The following SLC22A23 variants were observed in gnomAD, a reference collection of about 807,000 sequenced individuals.
SLC22A23 encodes solute carrier family 22 member 23.
In SLC22A23, 26 loss-of-function variants were observed where a neutral mutation model predicts 61.0. That is an observed-to-expected ratio of 0.43 (90% CI 0.31 to 0.59). The LOEUF is 0.59. Among genes scored for constraint, SLC22A23 ranks in the 20% least tolerant of loss-of-function variants. The pLI, the probability that SLC22A23 is intolerant of heterozygous loss-of-function variation, is 0.11. For synonymous variants in SLC22A23, 430 were observed against 413.9 expected, an observed-to-expected ratio of 1.04 and a Z score of -0.47; for missense variants, 796 against 934.7, an observed-to-expected ratio of 0.85 and a Z score of 1.94.
intron 3 of SLC22A23, among the ~76,000 whole-genome samples, chr6:3,379,237 G>A (rs569767930): frequency 2.2e-4 from 33 of 152,270 alleles, no homozygotes; most frequent in Admixed American, 2.0e-3. Context: ...CCACCAAGGG[G>A]ACTTCGGCTT....
In SLC22A23 at chr6:3,456,049, G is replaced by C; in HGVS notation, c.511C>G (p.Arg171Gly). 1 of 1,548,542 alleles carries C rather than the reference G, an allele frequency of 6.5e-7. No individual in the cohort carries two copies. Among genetic ancestry groups the C allele is most frequent in the Non-Finnish European group, 8.7e-7 (1 of 1,146,772 alleles). Residue 171 changes from arginine (R) to glycine (G), a missense_variant, in exon 1 of 10, where the codon CGG (arginine) becomes GGG (glycine). Arg to Gly is a moderately radical substitution (Grantham distance 125). Transcript: ENST00000406686. The surrounding 1 kb of genome is among the most constrained non-coding windows in gnomAD (Gnocchi z 7.1). ...ATAPWEAAGN[R>G]SNSSGADGGD... is the part of the protein sequence containing the mutation. The stretch of plus-strand genomic sequence containing the variant: ...CCGTCCGCGCCGCTGCTGTTGCTCC[G>C]GTTGCCCGCAGCCTCCCAGGGGGCA...
chr6:3,292,191 G>T (rs1396578328), intron 5 of SLC22A23, among the ~76,000 whole-genome samples: 1 of 152,218 alleles, frequency 6.6e-6, no homozygotes, highest in Non-Finnish European at 1.5e-5. Context: ...AGCTTCCGCA[G>T]CATTATATCT....
At chr6:3,439,434 G>A in intron 1 of SLC22A23, 1 of 374,028 alleles carries the variant, frequency 2.7e-6, no homozygotes, top group Non-Finnish European at 5.2e-6. Flanking sequence ...CGTTCCACGT[G>A]AAGAAAAGGC....
rs929995307 is a variant in SLC22A23, at chr6:3,386,351, G to A, written c.913+23837C>T. ...GCAGACAAGCCTCAGGCTGGAGAGCGAAGGAGAAGGGAGAGCACGCTTGCT... is the reference window on the plus strand; with the variant it reads ...GCAGACAAGCCTCAGGCTGGAGAGCAAAGGAGAAGGGAGAGCACGCTTGCT... On this transcript the variant is annotated intron_variant, in intron 3 of 9. Coordinates refer to ENST00000406686, the MANE Select transcript of SLC22A23 (RefSeq NM_015482.2). The surrounding 1 kb of genome is among the most constrained non-coding windows in gnomAD (Gnocchi z 4.4). Among the ~76,000 whole-genome samples, 2 of 152,182 alleles carry A rather than the reference G, an allele frequency of 1.3e-5. No homozygotes were observed. Among genetic ancestry groups the A allele is most frequent in the Non-Finnish European group, 2.9e-5 (2 of 68,040 alleles).
chr6:3,383,205 G>A (rs553290940), intron 3 of SLC22A23, among the ~76,000 whole-genome samples: 11 of 152,310 alleles, frequency 7.2e-5, no homozygotes, highest in Non-Finnish European at 1.2e-4. Context: ...GAAAGATAAC[G>A]TATGGAGGAA....
intron 3 of SLC22A23, among the ~76,000 whole-genome samples, chr6:3,370,568 A>G (rs1048168312): frequency 2.4e-4 from 37 of 152,402 alleles, no homozygotes; most frequent in African/African-American, 8.9e-4. Context: ...CCCCTTCAGC[A>G]TGCAGTGGTG....
At position 3,386,307 on chromosome 6, in the gene SLC22A23, C is replaced by T. The variant is rs1340726079; in HGVS notation, c.913+23881G>A. Among the ~76,000 whole-genome samples the T allele has an allele frequency of 1.3e-5, 2 of 152,248 alleles. No individual in the cohort carries two copies. The highest frequency in any genetic ancestry group is 1.9e-4 in the East Asian group (1 of 5,178). On this transcript the variant is annotated intron_variant, in intron 3 of 9. Transcript: ENST00000406686. The surrounding 1 kb of genome is among the most constrained non-coding windows in gnomAD (Gnocchi z 4.4). ...AGGCAGAAAAGGCTGCTCAGGGTGG[C>T]GGTGGCCCAAGCTGGAGGGCAGACA...
In SLC22A23 at chr6:3,328,338, C is replaced by T. The variant is rs1342942217; in HGVS notation, c.914-4336G>A. On this transcript the variant is annotated intron_variant, in intron 3 of 9. Transcript: ENST00000406686. This position sits in a 1 kb window ranked among gnomAD's most constrained non-coding sequence, Gnocchi z 5.0. ...AAGTGGCATTGTTAGGAGGCCACAG[C>T]TCTGGGAGATACGCTTTTCGGAAGT... is the stretch of plus-strand genomic sequence containing the variant. Among the ~76,000 whole-genome samples the T allele has an allele frequency of 6.6e-6, 1 of 152,094 alleles. No individual in the cohort carries two copies. Among genetic ancestry groups the T allele is most frequent in the African/African-American group, 2.4e-5 (1 of 41,392 alleles).
intron 2 of SLC22A23, among the ~76,000 whole-genome samples, chr6:3,412,389 T>A (rs1224469869): frequency 6.6e-6 from 1 of 152,118 alleles, no homozygotes; most frequent in Non-Finnish European, 1.5e-5. Context: ...GAGCCTGGAG[T>A]TCCCTTTGGT....
At position 3,309,617 on chromosome 6, in the gene SLC22A23, G is replaced by A. The variant is rs945345182; in HGVS notation, c.1083-11399C>T. Among the ~76,000 whole-genome samples, 6 of 152,086 alleles carry A rather than the reference G, an allele frequency of 3.9e-5. No individual in the cohort carries two copies. Among genetic ancestry groups the A allele is most frequent in the Admixed American group, 1.3e-4 (2 of 15,272 alleles). On this transcript the variant is annotated intron_variant, in intron 4 of 9. Coordinates refer to ENST00000406686, the MANE Select transcript of SLC22A23 (RefSeq NM_015482.2). The surrounding 1 kb of genome is among the most constrained non-coding windows in gnomAD (Gnocchi z 4.7). ...ACCATAATAAGGACTGTGGGCTGAC[G>A]AGCAGGTGGCAGGAGGCAGCGGGCC...
intron 3 of SLC22A23, among the ~76,000 whole-genome samples, chr6:3,366,928 G>T (rs1042645816): frequency 2.0e-5 from 3 of 152,134 alleles, no homozygotes; most frequent in Non-Finnish European, 4.4e-5. Flanking sequence ...CAACTCCCCT[G>T]GCAGAAATCA....
chr6:3,284,627 G>A (rs944770178), intron 8 of SLC22A23, among the ~76,000 whole-genome samples: 9 of 152,230 alleles, frequency 5.9e-5, no homozygotes, highest in East Asian at 5.8e-4. Context: ...CAGCAGCTTC[G>A]AGGTGCAGGG....
intron 4 of SLC22A23, among the ~76,000 whole-genome samples, chr6:3,319,338 G>A (rs191615537): frequency 3.9e-5 from 6 of 152,188 alleles, no homozygotes; most frequent in East Asian, 1.9e-4. Context: ...ACACTTTTCC[G>A]CCCAGAAGTT....
intron 3 of SLC22A23, among the ~76,000 whole-genome samples, chr6:3,368,311 T>C (rs558698480): frequency 3.9e-5 from 6 of 152,302 alleles, no homozygotes; most frequent in Admixed American, 1.3e-4. Flanking sequence ...CAACCCGAGC[T>C]GCTCCTTGGC....
Position 3,387,880 on chromosome 6 carries a change from G to A in SLC22A23, c.913+22308C>T, listed in dbSNP as rs75061009. 1.2e-4 allele frequency among the ~76,000 whole-genome samples: 18 copies of A among 152,220 alleles called. No individual in the cohort carries two copies. Among genetic ancestry groups the A allele is most frequent in the Non-Finnish European group, 2.5e-4 (17 of 68,044 alleles). On this transcript the variant is annotated intron_variant, in intron 3 of 9. Coordinates refer to ENST00000406686, the MANE Select transcript of SLC22A23 (RefSeq NM_015482.2). This position sits in a 1 kb window ranked among gnomAD's most constrained non-coding sequence, Gnocchi z 5.0. ...GAAAGGAGAAGGCAGGCCGCAGCGA[G>A]GATGTCCTGGCAGCCCACGACAGTC...
chr6:3,403,312 G>T (rs1348047798), intron 3 of SLC22A23, among the ~76,000 whole-genome samples: 1 of 151,318 alleles, frequency 6.6e-6, no homozygotes. Flanking sequence ...GGTCGACTCA[G>T]CTTTTAGCTT....
chr6:3,299,455 C>CGATG (rs1480802346), intron 4 of SLC22A23, among the ~76,000 whole-genome samples: 1 of 152,170 alleles, frequency 6.6e-6, no homozygotes, highest in African/African-American at 2.4e-5. Context: ...GTCCCTCAGA[C>CGATG]GATGCCACAA....
intron 3 of SLC22A23, among the ~76,000 whole-genome samples, chr6:3,349,066 G>C (rs1222734549): frequency 1.3e-5 from 2 of 152,242 alleles, no homozygotes; most frequent in African/African-American, 4.8e-5. Context: ...GACAAGGAAG[G>C]GGGATGCTCC....
chr6:3,426,835 AG>A (rs1770525100), intron 1 of SLC22A23, among the ~76,000 whole-genome samples: 1 of 152,252 alleles, frequency 6.6e-6, no homozygotes. Flanking sequence ...ACTCAACTAT[AG>A]TAGTTCTCAG....
Sources: gnomAD v4.1 joint callset for allele counts (sites outside exome capture counted in the v4.1 genomes callset) on GRCh38, gnomAD v4.1.1 for gene constraint, Gnocchi (gnomAD v3.1) non-coding constraint, MANE v1.5 for transcripts, NCBI Gene and HGNC (gene_info 2026-07-23, HGNC 2026-07-21) for gene names.